Variants in PPP4R3B observed in about 807,000 individuals in gnomAD.
The protein encoded by PPP4R3B is serine/threonine-protein phosphatase 4 regulatory subunit 3B.
A neutral mutation model predicts 95.4 loss-of-function variants in PPP4R3B; 52 were observed. That is an observed-to-expected ratio of 0.54 (90% CI 0.44 to 0.69). PPP4R3B has a LOEUF of 0.69. Among genes scored for constraint, PPP4R3B ranks in the 30% least tolerant of loss-of-function variants. The probability of loss-of-function intolerance (pLI) is 0.00; values close to 1 mark genes in which losing one functional copy is unlikely to be tolerated. For missense variants in PPP4R3B, 1,003 were observed against 1,005.9 expected (o/e 1.00, Z 0.04); for synonymous variants, 407 against 343.9 (o/e 1.18, Z -2.03).
At chr2:55,559,477 A>C (rs574008589) in intron 15 of PPP4R3B, among the ~76,000 whole-genome samples, 26 of 152,264 alleles carry the variant, frequency 1.7e-4, no homozygotes, top group African/African-American at 5.8e-4. Flanking sequence ...CCAAATCGCA[A>C]ATCAAATTGT....
intron 12 of PPP4R3B, among the ~76,000 whole-genome samples, chr2:55,571,516 G>C (rs1017389458): frequency 3.3e-5 from 5 of 152,026 alleles, no homozygotes; most frequent in African/African-American, 1.2e-4. Flanking sequence ...AAATGTCTAA[G>C]AACAACCAAG....
chr2:55,581,804 A>C, intron 7 of PPP4R3B, 106 bp from the exon 8 acceptor site: 1 of 1,214,334 alleles, frequency 8.2e-7, no homozygotes, highest in Non-Finnish European at 1.1e-6. Context: ...TATAGAGAAA[A>C]AACGAAGAAT....
rs568035993 is a variant in PPP4R3B at position 55,581,115 on chromosome 2, T to C, written c.1365+452A>G. On this transcript the variant is annotated intron_variant, in intron 8 of 16. Coordinates refer to ENST00000616407, the MANE Select transcript of PPP4R3B (RefSeq NM_001122964.3). ...TAAAAATACAAAAATTAGCCAGGTG[T>C]GGTGGTGTGCGTCTGTAGTCCCAGC... Among the ~76,000 whole-genome samples the C allele has an allele frequency of 7.9e-5, 12 of 152,198 alleles. No homozygotes were observed. The South Asian group carries it at 2.5e-3, about 32-fold the overall frequency.
At chr2:55,596,749 G>C (rs904676767) in intron 4 of PPP4R3B, among the ~76,000 whole-genome samples, 1 of 152,086 alleles carries the variant, frequency 6.6e-6, no homozygotes, top group Admixed American at 6.5e-5. Context: ...GATCACCTGA[G>C]GTCAGGAGTT....
At chr2:55,577,259 G>C (rs1688807376) in intron 11 of PPP4R3B, 56 bp downstream of exon 11, 3 of 1,507,002 alleles carry the variant, frequency 2.0e-6, no homozygotes, top group African/African-American at 1.5e-5. Context: ...ATTACACTTA[G>C]AGTAGAAAAA....
At chr2:55,587,031 G>C (rs1443099110) in intron 5 of PPP4R3B, among the ~76,000 whole-genome samples, 1 of 152,116 alleles carries the variant, frequency 6.6e-6, no homozygotes, top group Non-Finnish European at 1.5e-5. Flanking sequence ...TCCAGTGAAT[G>C]GAGGTGTTTG....
intron 10 of PPP4R3B, among the ~76,000 whole-genome samples, 176 bp from the exon 11 acceptor site, chr2:55,577,532 A>C (rs1158007434): frequency 6.6e-6 from 1 of 152,114 alleles, no homozygotes; most frequent in Non-Finnish European, 1.5e-5. Context: ...ATCTTTTACA[A>C]AAGTGGATGC....
chr2:55,566,142 C>T (rs1205115824), intron 13 of PPP4R3B, among the ~76,000 whole-genome samples: 1 of 151,782 alleles, frequency 6.6e-6, no homozygotes, highest in Admixed American at 6.6e-5. Context: ...AAGAAACACA[C>T]AGGTCATTTC....
At chr2:55,584,375 G>C (rs1291541372) in intron 7 of PPP4R3B, among the ~76,000 whole-genome samples, 1 of 152,002 alleles carries the variant, frequency 6.6e-6, no homozygotes, top group Admixed American at 6.6e-5. Context: ...AGGTGGTTGG[G>C]GAACAGGTGG....
intron 10 of PPP4R3B, among the ~76,000 whole-genome samples, chr2:55,577,593 T>G (rs1262634929): frequency 2.0e-5 from 3 of 152,132 alleles, no homozygotes; most frequent in Non-Finnish European, 4.4e-5. Context: ...TGATAAAAAG[T>G]AAGATTACAA....
intron 2 of PPP4R3B, among the ~76,000 whole-genome samples, chr2:55,612,974 G>A (rs956271821): frequency 3.3e-5 from 5 of 151,726 alleles, no homozygotes; most frequent in African/African-American, 1.2e-4. Context: ...AGTCAAGCAT[G>A]GTGGCTCACA....
At chr2:55,582,460 G>A (rs762605002) in intron 7 of PPP4R3B, among the ~76,000 whole-genome samples, 2 of 151,920 alleles carry the variant, frequency 1.3e-5, no homozygotes, top group African/African-American at 2.4e-5. Flanking sequence ...ATTCTAAGCT[G>A]GCATCTCTAT....
chr2:55,568,905 TAA>T (rs768584780), intron 12 of PPP4R3B, among the ~76,000 whole-genome samples: 75 of 152,184 alleles, frequency 4.9e-4, no homozygotes, highest in Non-Finnish European at 8.8e-4. Context: ...AAAATACAGC[TAA>T]AGTGTGGGCA....
rs1692137038 is a variant in PPP4R3B at position 55,598,707 on chromosome 2, A to C, written c.630T>G (p.Phe210Leu). 3 of 1,614,162 alleles carry C rather than the reference A, an allele frequency of 1.9e-6. No homozygotes were observed. Among genetic ancestry groups the C allele is most frequent in the Non-Finnish European group, 2.5e-6 (3 of 1,180,002 alleles). ...TACACTCATCAGAAAACATTACCTC[A>C]AAAAGAGTTGCCTTATTTAGGAATA... ...GILFLNKATLFEVMFSDECIM... is the reference protein window; with the variant it reads ...GILFLNKATLLEVMFSDECIM... The change falls in exon 4 of 17, where the codon TTT becomes TTG. Residue 210 changes from phenylalanine to leucine, a missense_variant. By Grantham distance (22) the Phe-to-Leu change is conservative. Coordinates refer to ENST00000616407, the MANE Select transcript of PPP4R3B (RefSeq NM_001122964.3).
At chr2:55,590,187 C>A (rs571302149) in intron 4 of PPP4R3B, among the ~76,000 whole-genome samples, 1 of 150,848 alleles carries the variant, frequency 6.6e-6, no homozygotes, top group African/African-American at 2.4e-5. Flanking sequence ...ACTAGCCAGG[C>A]ATGGTGGCAC....
chr2:55,575,784 T>G (rs1019007099), intron 11 of PPP4R3B, among the ~76,000 whole-genome samples: 4 of 152,168 alleles, frequency 2.6e-5, no homozygotes, highest in Admixed American at 6.5e-5. Context: ...ATCACAGGCT[T>G]ACGGAATTTT....
At position 55,598,436 on chromosome 2, in the gene PPP4R3B, CAACTTTGTTGAA is replaced by C; in HGVS notation, c.889_900del (p.Phe297_Val300del). ...CTTACCTGCAACATGCTGACTATCT[CAACTTTGTTGAA>C]GAAAATAAAAGACGTAAGAGTAGAA... On this transcript the variant is annotated inframe_deletion, in exon 4 of 17. Transcript: ENST00000616407. 1 of 1,613,642 alleles carries C rather than the reference CAACTTTGTTGAA, an allele frequency of 6.2e-7. No individual in the cohort carries two copies. The highest frequency in any genetic ancestry group is 8.5e-7 in the Non-Finnish European group (1 of 1,179,894).
intron 13 of PPP4R3B, among the ~76,000 whole-genome samples, chr2:55,565,317 T>C (rs988276098): frequency 6.6e-6 from 1 of 151,150 alleles, no homozygotes; most frequent in African/African-American, 2.4e-5. Context: ...TTTGTATATA[T>C]ATATATATAT....
chr2:55,565,400 G>T (rs1558958672), intron 13 of PPP4R3B, among the ~76,000 whole-genome samples: 1 of 151,512 alleles, frequency 6.6e-6, no homozygotes, highest in African/African-American at 2.4e-5. Context: ...CTATGAGATA[G>T]GTTTTATTAT....
Sources: allele counts gnomAD v4.1 joint callset (sites outside exome capture counted in the v4.1 genomes callset), GRCh38; gene constraint gnomAD v4.1.1; transcripts MANE v1.5; gene names NCBI Gene and HGNC (gene_info 2026-07-23, HGNC 2026-07-21).